Variants in GCA observed in about 807,000 individuals in gnomAD.
GCA encodes the protein grancalcin, EF-hand calcium-binding protein.
In GCA, 30 loss-of-function variants were observed where a neutral mutation model predicts 32.6. The ratio of observed to expected loss-of-function variants is 0.92; its 90% CI spans 0.69 to 1.25. The LOEUF (loss-of-function observed/expected upper bound fraction) is 1.25. Ranked by LOEUF, GCA falls within the 50% of genes most tolerant of loss-of-function variation. The probability of loss-of-function intolerance (pLI) is 0.00; values close to 1 mark genes in which losing one functional copy is unlikely to be tolerated. For missense variants in GCA, 291 were observed against 266.8 expected, an observed-to-expected ratio of 1.09 and a Z score of -0.63; for synonymous variants, 102 against 84.6, an observed-to-expected ratio of 1.21 and a Z score of -1.13.
At chr2:162,374,516 A>T (rs751850857), downstream of GCA, among the ~76,000 whole-genome samples, 7 of 152,170 alleles carry the variant, frequency 4.6e-5, no homozygotes, top group Non-Finnish European at 1.0e-4. Flanking sequence ...CTCTTTAGAA[A>T]ATTCTTCTAA....
chr2:162,345,689 G>A (rs1259458126), intron 1 of GCA, among the ~76,000 whole-genome samples: 3 of 152,012 alleles, frequency 2.0e-5, no homozygotes, highest in Non-Finnish European at 4.4e-5. Context: ...ATTAATCGCC[G>A]GAAAGAGAAG....
rs754134384 is a variant in GCA, at chr2:162,359,101, G to A, written c.512G>A (p.Gly171Asp). The change falls in exon 6 of 8, where the codon GGC becomes GAC. Residue 171 changes from glycine to aspartate, a missense_variant. Gly to Asp is a moderately conservative substitution (Grantham distance 94). Coordinates refer to ENST00000437150, the MANE Select transcript of GCA (RefSeq NM_012198.5). ...ATTGTTAAACGTTATAGCAAGAATG[G>A]CAGAATTTTCTTTGATGATTATGTT... ...TTIVKRYSKN[G>D]RIFFDDYVAC... 16 of 1,607,074 alleles carry A rather than the reference G, an allele frequency of 1.0e-5. No homozygotes were observed. Among genetic ancestry groups the A allele is most frequent in the Non-Finnish European group, 1.4e-5 (16 of 1,175,006 alleles).
chr2:162,322,618 G>T (rs185266339), intron 1 of GCA, among the ~76,000 whole-genome samples: 13 of 136,218 alleles, frequency 9.5e-5, no homozygotes, highest in African/African-American at 2.3e-4. Flanking sequence ...CCATGTGTTC[G>T]CATTGTTCAA....
At chr2:162,326,035 TG>T (rs1309752847) in intron 1 of GCA, among the ~76,000 whole-genome samples, 1 of 151,942 alleles carries the variant, frequency 6.6e-6, no homozygotes, top group East Asian at 1.9e-4. Context: ...GAGGTCGGGG[TG>T]GACCCAGAGG....
upstream of GCA, among the ~76,000 whole-genome samples, chr2:162,342,166 A>C (rs1207547362): frequency 6.6e-6 from 1 of 152,194 alleles, no homozygotes; most frequent in Admixed American, 6.5e-5. Flanking sequence ...TAGAATATTT[A>C]AAATTTGAAA....
intron 1 of GCA, chr2:162,344,629 G>A (rs984564888): frequency 2.7e-6 from 1 of 370,606 alleles, no homozygotes; most frequent in South Asian, 4.3e-5. Context: ...ACTCAGTGTT[G>A]CTAGAGATCC....
chr2:162,354,982 G>A (rs1410722524), intron 3 of GCA, among the ~76,000 whole-genome samples: 1 of 152,048 alleles, frequency 6.6e-6, no homozygotes, highest in African/African-American at 2.4e-5. Context: ...CAGTTTTAGC[G>A]ATCTATTATC....
Position 162,361,624 on chromosome 2 carries a change from A to T in GCA, c.*1381A>T, listed in dbSNP as rs1282269107. 10 of 982,026 alleles carry T rather than the reference A, an allele frequency of 1.0e-5. No individual in the cohort carries two copies. The highest frequency in any genetic ancestry group is 1.2e-5 in the Non-Finnish European group (10 of 827,122). The allele number at this position is 982,026 out of a possible 1,614,324, so 60.8% of individuals were successfully genotyped here. A position where few individuals can be genotyped will look rare whatever the true frequency, so the allele number is the denominator to read the frequency against. ...AAATCCTGGAAAGGAAGTAACGCAT[A>T]GTCACTTGACACTGATAATTTTATA... On this transcript the variant is annotated 3_prime_UTR_variant, in exon 8 of 8. Transcript: ENST00000437150.
upstream of GCA, among the ~76,000 whole-genome samples, chr2:162,340,036 A>C (rs1684388789): frequency 6.6e-6 from 1 of 152,220 alleles, no homozygotes; most frequent in South Asian, 2.1e-4. Context: ...AATGATGCCC[A>C]AAGAGGCCTT....
At chr2:162,328,285 G>C (rs529163376) in intron 1 of GCA, among the ~76,000 whole-genome samples, 4 of 151,856 alleles carry the variant, frequency 2.6e-5, no homozygotes, top group Non-Finnish European at 4.4e-5. Flanking sequence ...ACAGCTACTC[G>C]GGAGGCTGAG....
chr2:162,354,790 CTT>C (rs546231619), intron 3 of GCA, among the ~76,000 whole-genome samples: 2 of 152,136 alleles, frequency 1.3e-5, no homozygotes, highest in East Asian at 3.9e-4. Flanking sequence ...GTCTAATTCT[CTT>C]TTTCTCTAAA....
chr2:162,331,391 G>A (rs1684077751), intron 1 of GCA, among the ~76,000 whole-genome samples: 1 of 140,304 alleles, frequency 7.1e-6, no homozygotes, highest in Non-Finnish European at 1.5e-5. Context: ...CATGAATAGT[G>A]AGTATCAACT....
upstream of GCA, chr2:162,318,919 CTG>C (rs1683572025): frequency 4.5e-6 from 1 of 220,272 alleles, no homozygotes; most frequent in Non-Finnish European, 9.6e-6. Context: ...CCAGCAGGTT[CTG>C]CCTTAACAAT....
chr2:162,365,665 C>T (rs776913709), downstream of GCA, among the ~76,000 whole-genome samples: 44 of 151,580 alleles, frequency 2.9e-4, no homozygotes, highest in Non-Finnish European at 1.0e-4. Flanking sequence ...TATTATTTAA[C>T]TGGTAAACAT....
rs72871634 is a variant in GCA, at chr2:162,344,807, C to T, written c.27+532C>T. ...AGTTACTCTTTGTTATAACTTTTAT[C>T]CTGCATCACCTTTGGGAGTTGCAAG... On this transcript the variant is annotated intron_variant, in intron 1 of 7. Coordinates refer to ENST00000437150, the MANE Select transcript of GCA (RefSeq NM_012198.5). Among the ~76,000 whole-genome samples, 1,510 of 152,248 alleles carry T rather than the reference C, an allele frequency of 9.9e-3. 10 individuals are homozygous for T. The highest frequency in any genetic ancestry group is 0.014 in the Admixed American group (208 of 15,288).
In GCA at chr2:162,346,172, T is replaced by C. The variant is rs114350612; in HGVS notation, c.28-1406T>C. ...CAATCTAAAACTTCGTTACATGTTT[T>C]TGTTTGTACATGTTGTATTATACAA... On this transcript the variant is annotated intron_variant, in intron 1 of 7. Transcript: ENST00000437150. Among the ~76,000 whole-genome samples the C allele has an allele frequency of 4.7e-3, 716 of 152,174 alleles. 8 individuals carry two copies. Among genetic ancestry groups the C allele is most frequent in the African/African-American group, 0.017 (689 of 41,582 alleles).
At chr2:162,330,800 G>A (rs567119143) in intron 1 of GCA, among the ~76,000 whole-genome samples, 1 of 152,296 alleles carries the variant, frequency 6.6e-6, no homozygotes, top group African/African-American at 2.4e-5. Context: ...TTTGGTGGCA[G>A]TTATATTCTA....
At chr2:162,363,293 T>A (rs1227014728), downstream of GCA, among the ~76,000 whole-genome samples, 1 of 151,424 alleles carries the variant, frequency 6.6e-6, no homozygotes, top group Non-Finnish European at 1.5e-5. Context: ...TCCCATAAGC[T>A]TTAAAATGCA....
At chr2:162,368,561 A>G (rs1247770043) in intron 4 of GCA, among the ~76,000 whole-genome samples, 3 of 152,150 alleles carry the variant, frequency 2.0e-5, no homozygotes, top group African/African-American at 7.2e-5. Flanking sequence ...ATGGGGTTTT[A>G]AAATGACATT....
Sources: gnomAD v4.1 joint callset for allele counts (sites outside exome capture counted in the v4.1 genomes callset) on GRCh38, gnomAD v4.1.1 for gene constraint, MANE v1.5 for transcripts, NCBI Gene and HGNC (gene_info 2026-07-23, HGNC 2026-07-21) for gene names.